HTR1F: variants seen among roughly 807,000 people sequenced by gnomAD.
HTR1F encodes 5-hydroxytryptamine (serotonin) receptor 1F, G protein-coupled.
HTR1F carries 17 observed loss-of-function variants against 24.0 expected under a neutral mutation model. That is an observed-to-expected ratio of 0.71 (90% confidence interval 0.48 to 1.06). The LOEUF (loss-of-function observed/expected upper bound fraction) is 1.06. Ranked by LOEUF, HTR1F falls within the 50% of genes least tolerant of loss-of-function variation. The pLI is 0.00. For synonymous variants in HTR1F, 186 were observed against 156.8 expected (o/e 1.19, Z -1.39); for missense variants, 391 against 427.8 (o/e 0.91, Z 0.76).
chr3:87,954,188 G>C (rs1704895251), intron 2 of HTR1F, among the ~76,000 whole-genome samples: 1 of 151,762 alleles, frequency 6.6e-6, no homozygotes, highest in Non-Finnish European at 1.5e-5. Context: ...AAAATAGCTA[G>C]AAGACATGAA....
At chr3:87,810,790 A>G (rs1345632274) in intron 1 of HTR1F, among the ~76,000 whole-genome samples, 1 of 152,164 alleles carries the variant, frequency 6.6e-6, no homozygotes, top group Non-Finnish European at 1.5e-5. Flanking sequence ...AATCTTGAAA[A>G]TATGTATGTT....
intron 2 of HTR1F, among the ~76,000 whole-genome samples, chr3:87,940,584 A>G (rs1313965812): frequency 1.3e-5 from 2 of 152,242 alleles, no homozygotes; most frequent in Non-Finnish European, 2.9e-5. Flanking sequence ...TGCCATCCCC[A>G]TCAAGCTACC....
At chr3:87,852,293 G>T (rs183939574) in intron 2 of HTR1F, among the ~76,000 whole-genome samples, 2 of 151,632 alleles carry the variant, frequency 1.3e-5, no homozygotes, top group East Asian at 1.9e-4. Flanking sequence ...TTTGTATCAA[G>T]AATTCTTTAT....
chr3:87,877,249 A>T (rs1471126959), intron 2 of HTR1F, among the ~76,000 whole-genome samples: 1 of 152,250 alleles, frequency 6.6e-6, no homozygotes, highest in South Asian at 2.1e-4. Flanking sequence ...AATAAAAGAA[A>T]ATAGGATAAT....
At chr3:87,927,127 C>CA (rs1317900042) in intron 2 of HTR1F, among the ~76,000 whole-genome samples, 3 of 152,012 alleles carry the variant, frequency 2.0e-5, no homozygotes, top group African/African-American at 7.2e-5. Context: ...ACCTGTCAAA[C>CA]AAAAAACTAG....
At chr3:87,902,328 T>C (rs955975294) in intron 2 of HTR1F, among the ~76,000 whole-genome samples, 4 of 152,168 alleles carry the variant, frequency 2.6e-5, no homozygotes, top group African/African-American at 4.8e-5. Flanking sequence ...AGTTATTCTT[T>C]TCATGAATTG....
intron 2 of HTR1F, among the ~76,000 whole-genome samples, chr3:87,851,739 G>A (rs1446311425): frequency 6.6e-6 from 1 of 151,356 alleles, no homozygotes; most frequent in Non-Finnish European, 1.5e-5. Flanking sequence ...CTATGGTATA[G>A]GTTTACAGGA....
rs534695718 is a variant in HTR1F at position 87,804,536 on chromosome 3, C to A, written c.-160+11694C>A. ...ATAGCCAAAATTATATATCTCAATT[C>A]TTGATTTTGGTATATTTCCCATTTT... On this transcript the variant is annotated intron_variant, in intron 1 of 2. Coordinates refer to ENST00000319595, the MANE Select transcript of HTR1F (RefSeq NM_001322209.2). Among the ~76,000 whole-genome samples the A allele has an allele frequency of 2.0e-5, 3 of 152,134 alleles. No homozygotes were observed. The South Asian group carries it at 6.2e-4, about 32-fold the overall frequency.
intron 2 of HTR1F, among the ~76,000 whole-genome samples, chr3:87,828,534 T>C (rs1704509913): frequency 6.6e-6 from 1 of 152,226 alleles, no homozygotes; most frequent in South Asian, 2.1e-4. Flanking sequence ...AATTAATTTG[T>C]GTGGATTTTA....
At chr3:87,859,230 G>T (rs1019103583) in intron 2 of HTR1F, among the ~76,000 whole-genome samples, 1 of 152,152 alleles carries the variant, frequency 6.6e-6, no homozygotes, top group African/African-American at 2.4e-5. Context: ...CTAAAAAAGA[G>T]AAGTTTTGGC....
At chr3:87,926,524 T>A (rs1259551739) in intron 2 of HTR1F, among the ~76,000 whole-genome samples, 2 of 152,200 alleles carry the variant, frequency 1.3e-5, no homozygotes, top group Non-Finnish European at 1.5e-5. Flanking sequence ...TTAATCTTTG[T>A]ATTTTAGACA....
intron 2 of HTR1F, among the ~76,000 whole-genome samples, chr3:87,945,112 A>G (rs1576072163): frequency 8.7e-6 from 1 of 114,602 alleles, no homozygotes; most frequent in South Asian, 2.9e-4. Flanking sequence ...TGTCTCCTCC[A>G]TCTCTCTCTC....
At chr3:87,875,346 G>A (rs1705646502) in intron 2 of HTR1F, among the ~76,000 whole-genome samples, 1 of 151,754 alleles carries the variant, frequency 6.6e-6, no homozygotes, top group African/African-American at 2.4e-5. Context: ...GCTACTCAGA[G>A]GCTGAGGCAG....
At chr3:87,968,393 A>C (rs529109612) in intron 2 of HTR1F, among the ~76,000 whole-genome samples, 60 of 152,174 alleles carry the variant, frequency 3.9e-4, no homozygotes, top group Non-Finnish European at 7.1e-4. Flanking sequence ...TTGTATTTTT[A>C]GTAGAGACAG....
intron 2 of HTR1F, among the ~76,000 whole-genome samples, chr3:87,875,464 A>C (rs1181501423): frequency 6.6e-6 from 1 of 152,040 alleles, no homozygotes; most frequent in African/African-American, 2.4e-5. Flanking sequence ...AAAGAAAAAA[A>C]AAACAAACTT....
intron 2 of HTR1F, among the ~76,000 whole-genome samples, chr3:87,836,406 C>T (rs539529840): frequency 8.5e-5 from 13 of 152,128 alleles, no homozygotes; most frequent in Middle Eastern, 3.4e-3. Flanking sequence ...ACAATAATAT[C>T]TCAGAAGATT....
At chr3:87,858,814 T>G (rs1305841193) in intron 2 of HTR1F, among the ~76,000 whole-genome samples, 1 of 152,188 alleles carries the variant, frequency 6.6e-6, no homozygotes, top group Non-Finnish European at 1.5e-5. Flanking sequence ...TCAAATTGTT[T>G]CTAGTTCCTT....
At chr3:87,915,134 C>T (rs745548952) in intron 2 of HTR1F, among the ~76,000 whole-genome samples, 43 of 152,118 alleles carry the variant, frequency 2.8e-4, no homozygotes, top group Admixed American at 1.9e-3. Flanking sequence ...CAGGAAGCCA[C>T]GTCCATAGGA....
At chr3:87,946,533 T>C (rs1228943682) in intron 2 of HTR1F, among the ~76,000 whole-genome samples, 2 of 124,702 alleles carry the variant, frequency 1.6e-5, no homozygotes, top group Non-Finnish European at 3.3e-5. Flanking sequence ...CAAATGCTTA[T>C]CTACACTAAA....
Sources: allele counts gnomAD v4.1 joint callset (sites outside exome capture counted in the v4.1 genomes callset), GRCh38; gene constraint gnomAD v4.1.1; transcripts MANE v1.5; gene names NCBI Gene and HGNC (gene_info 2026-07-23, HGNC 2026-07-21).